The following LRRFIP1 variants were observed in gnomAD, a reference collection of about 807,000 sequenced individuals.
LRRFIP1 encodes leucine-rich repeat flightless-interacting protein 1.
LRRFIP1 carries 62 observed loss-of-function variants against 104.4 expected under a neutral mutation model. That is an observed-to-expected ratio of 0.59 (90% CI 0.48 to 0.73). LRRFIP1 has a LOEUF of 0.73. Ranked by LOEUF, LRRFIP1 falls within the 30% of genes least tolerant of loss-of-function variation. The pLI, the probability that LRRFIP1 is intolerant of heterozygous loss-of-function variation, is 0.00. For synonymous variants in LRRFIP1, 300 were observed against 299.0 expected (o/e 1.00, Z -0.03); for missense variants, 796 against 824.5 (o/e 0.97, Z 0.42).
chr2:237,753,467 A>G lies in LRRFIP1; in HGVS notation c.1026A>G (p.Glu342=), dbSNP rs1186005209. ...TGGCTGAATCTAGGCGGCAGTACGA[A>G]GAGAAAAACAAAGTAAGCATTAGTA... The part of the protein sequence containing the change: ...EQLAESRRQY[E]EKNKEFEREK... Residue 342 remains glutamate, a synonymous_variant, in exon 15 of 24, where the codon GAA becomes GAG. Coordinates refer to ENST00000308482, the MANE Select transcript of LRRFIP1 (RefSeq NM_001137550.2). The G allele has an allele frequency of 1.9e-6, 3 of 1,587,410 alleles. No homozygotes were observed. Among genetic ancestry groups the G allele is most frequent in the South Asian group, 2.3e-5 (2 of 85,964 alleles).
rs7604233 is a variant in LRRFIP1, at chr2:237,765,053, A to G, written c.1459+4848A>G. 0.012 allele frequency: 9,466 copies of G among 802,890 alleles called. 558 individuals are homozygous for G. The African/African-American group carries it at 0.14, about 12-fold the overall frequency. 49.7% of individuals were successfully genotyped at this position (802,890 alleles called of 1,614,324 possible). A position where few individuals can be genotyped will look rare whatever the true frequency, so the allele number is the denominator to read the frequency against. On this transcript the variant is annotated intron_variant, in intron 19 of 23. Transcript: ENST00000308482. Reference sequence around the variant, plus strand: ...AAGGCAGGTGGATCACCTGAGGTCAAGAGTTCGAGGCCAGCCTGGCCAACA... The same window carrying G: ...AAGGCAGGTGGATCACCTGAGGTCAGGAGTTCGAGGCCAGCCTGGCCAACA...
chr2:237,692,471 G>A, intron 1 of LRRFIP1: 1 of 1,531,410 alleles, frequency 6.5e-7, no homozygotes, highest in Non-Finnish European at 8.8e-7. Flanking sequence ...CAGCCCCGCG[G>A]CCGCTCAAAG....
At position 237,773,931 on chromosome 2, in the gene LRRFIP1, C is replaced by T. The variant is rs935661202; in HGVS notation, c.1708-427C>T. ...TGGCTGGGGAATGCCATGCCGAAGC[C>T]GCCTCCTTTCACTCCTCGCCCTGTC... On this transcript the variant is annotated intron_variant, in intron 22 of 23. Transcript: ENST00000308482. 3.7e-5 allele frequency: 6 copies of T among 161,360 alleles called. No homozygotes were observed. In the East Asian group the frequency reaches 7.0e-4, roughly 19 times the overall value. 10.0% of individuals were successfully genotyped at this position (161,360 alleles called of 1,614,324 possible).
Position 237,749,188 on chromosome 2 carries a change from C to T in LRRFIP1, c.670-11C>T. On this transcript the variant is annotated splice_polypyrimidine_tract_variant and intron_variant, in intron 12 of 23. Coordinates refer to ENST00000308482, the MANE Select transcript of LRRFIP1 (RefSeq NM_001137550.2). ...AAACCATATCAGCATGTGATCCTCT[C>T]AACGTTCCAGGGGTCTCGTAACATG... 1 of 1,611,822 alleles carries T rather than the reference C, an allele frequency of 6.2e-7. No individual in the cohort carries two copies. Among genetic ancestry groups the T allele is most frequent in the East Asian group, 2.2e-5 (1 of 44,846 alleles).
At chr2:237,646,998 T>C (rs1252193557) in intron 1 of LRRFIP1, among the ~76,000 whole-genome samples, 3 of 152,038 alleles carry the variant, frequency 2.0e-5, no homozygotes, top group Non-Finnish European at 2.9e-5. Context: ...TTTTGCTTTC[T>C]ACATTTACTG....
At chr2:237,777,254 G>A (rs920878121) in intron 23 of LRRFIP1, among the ~76,000 whole-genome samples, 19 of 152,146 alleles carry the variant, frequency 1.2e-4, no homozygotes, top group African/African-American at 2.4e-5. Flanking sequence ...TGTTGTTGCT[G>A]TTGTTTTATA....
intron 15 of LRRFIP1, among the ~76,000 whole-genome samples, chr2:237,754,789 C>T (rs2059073397): frequency 6.6e-6 from 1 of 152,212 alleles, no homozygotes; most frequent in Admixed American, 6.5e-5. Flanking sequence ...AGAGCACAGC[C>T]CAGCCCCCCT....
intron 19 of LRRFIP1, chr2:237,769,664 C>T (rs962406401): frequency 3.3e-5 from 13 of 397,478 alleles, no homozygotes; most frequent in East Asian, 1.3e-4. Context: ...TTGGCCCTAG[C>T]GTTCTTGCAT....
At chr2:237,663,973 TCAGAAA>T (rs1327734301) in intron 1 of LRRFIP1, among the ~76,000 whole-genome samples, 1 of 151,760 alleles carries the variant, frequency 6.6e-6, no homozygotes, top group African/African-American at 2.4e-5. Context: ...CCCGGGAACC[TCAGAAA>T]CAAGGAAGGG....
intron 1 of LRRFIP1, among the ~76,000 whole-genome samples, chr2:237,688,329 G>A (rs1333674724): frequency 6.6e-6 from 1 of 152,030 alleles, no homozygotes; most frequent in Non-Finnish European, 1.5e-5. Context: ...AGAAGGGGCT[G>A]TCCCTGGATC....
chr2:237,722,132 C>G (rs1466103293), intron 6 of LRRFIP1: 7 of 152,146 alleles, frequency 4.6e-5, no homozygotes, highest in Admixed American at 4.6e-4. Context: ...GAGGAGGAAA[C>G]TCAGACTTAG....
chr2:237,705,895 A>G (rs1241439754), intron 1 of LRRFIP1, among the ~76,000 whole-genome samples: 1 of 152,206 alleles, frequency 6.6e-6, no homozygotes. Flanking sequence ...GCCCCCTCCC[A>G]CTGGGCAGCT....
At chr2:237,720,912 T>C (rs752102447) in intron 6 of LRRFIP1, 90 bp downstream of exon 6, 29 of 1,163,040 alleles carry the variant, frequency 2.5e-5, no homozygotes, top group Non-Finnish European at 3.8e-5. Flanking sequence ...TTCTTCTTCA[T>C]TATCCCCGTG....
At chr2:237,647,704 TGGCC>T (rs1559465390) in intron 1 of LRRFIP1, among the ~76,000 whole-genome samples, 1 of 112,370 alleles carries the variant, frequency 8.9e-6, no homozygotes, top group East Asian at 2.2e-4. Flanking sequence ...TGTCACCCCG[TGGCC>T]GGCCACTCAC....
At chr2:237,662,856 A>G (rs903375) in intron 1 of LRRFIP1, among the ~76,000 whole-genome samples, 114,393 of 152,048 alleles carry the variant, frequency 0.75, 43,288 homozygotes, top group East Asian at 0.97. Flanking sequence ...CACCAGCGCT[A>G]TGTCAATTTA....
At chr2:237,734,114 A>C (rs983120839) in intron 9 of LRRFIP1, among the ~76,000 whole-genome samples, 2 of 152,226 alleles carry the variant, frequency 1.3e-5, no homozygotes, top group African/African-American at 4.8e-5. Flanking sequence ...ACCTATTGGC[A>C]GAAAGAATGG....
chr2:237,699,569 C>G (rs1409818019), intron 1 of LRRFIP1, among the ~76,000 whole-genome samples: 1 of 152,154 alleles, frequency 6.6e-6, no homozygotes, highest in African/African-American at 2.4e-5. Flanking sequence ...TCAGACTGGT[C>G]TTGAACTCCT....
intron 11 of LRRFIP1, 125 bp downstream of exon 11, chr2:237,739,434 G>A: frequency 1.1e-6 from 1 of 874,076 alleles, no homozygotes; most frequent in Non-Finnish European, 1.7e-6. Flanking sequence ...GGATTACATT[G>A]CTCAACTTTT....
At chr2:237,653,335 A>G (rs1039374232) in intron 1 of LRRFIP1, among the ~76,000 whole-genome samples, 3 of 152,232 alleles carry the variant, frequency 2.0e-5, no homozygotes, top group Admixed American at 6.5e-5. Flanking sequence ...TAAGAACTAC[A>G]AAACATGATG....
Sources: gnomAD v4.1 joint callset for allele counts (sites outside exome capture counted in the v4.1 genomes callset) on GRCh38, gnomAD v4.1.1 for gene constraint, MANE v1.5 for transcripts, NCBI Gene and HGNC (gene_info 2026-07-23, HGNC 2026-07-21) for gene names.